Variants in MLXIPL observed in about 807,000 individuals in gnomAD.
MLXIPL encodes the protein MLX interacting protein like, also known as carbohydrate-responsive element-binding protein.
Under a neutral mutation model 81.5 loss-of-function variants are expected in MLXIPL, and 49 were observed. The ratio of observed to expected loss-of-function variants is 0.60; its 90% CI spans 0.48 to 0.76. The LOEUF is 0.76. Ranked by LOEUF, MLXIPL falls within the 30% of genes least tolerant of loss-of-function variation. MLXIPL has a pLI of 0.00. For missense variants in MLXIPL, 1,053 were observed against 1,167.0 expected, an observed-to-expected ratio of 0.90 and a Z score of 1.42; for synonymous variants, 466 against 485.5, an observed-to-expected ratio of 0.96 and a Z score of 0.53.
At chr7:73,597,112 A>G (rs1266188736) in intron 9 of MLXIPL, 70 bp downstream of exon 9, 17 of 1,508,276 alleles carry the variant, frequency 1.1e-5, no homozygotes, top group Non-Finnish European at 1.5e-5. Context: ...TTCTGCTCCC[A>G]AAACCCCCTG....
chr7:73,646,271 A>G, the MLXIPL span, among the ~76,000 whole-genome samples: 1 of 152,142 alleles, frequency 6.6e-6, no homozygotes, highest in African/African-American at 2.4e-5. Flanking sequence ...TGGCTGCAGG[A>G]GCCTCGGAGA....
the MLXIPL span, among the ~76,000 whole-genome samples, chr7:73,643,919 A>G: frequency 6.6e-6 from 1 of 151,946 alleles, no homozygotes; most frequent in Non-Finnish European, 1.5e-5. Context: ...GGTGTGCATC[A>G]CCACCCCTGG....
the MLXIPL span, among the ~76,000 whole-genome samples, chr7:73,637,419 G>A: frequency 3.3e-5 from 5 of 151,604 alleles, no homozygotes; most frequent in East Asian, 9.7e-4. Flanking sequence ...AGTTTGCAGT[G>A]AGCTGAGATC....
chr7:73,629,528 T>C (rs1421236679), upstream of MLXIPL, among the ~76,000 whole-genome samples: 1 of 151,950 alleles, frequency 6.6e-6, no homozygotes, highest in Non-Finnish European at 1.5e-5. Flanking sequence ...AGCCCAGGGG[T>C]TCGAGACAAG....
At chr7:73,614,726 C>T (rs981150700) in intron 2 of MLXIPL, among the ~76,000 whole-genome samples, 1 of 151,916 alleles carries the variant, frequency 6.6e-6, no homozygotes, top group Non-Finnish European at 1.5e-5. Flanking sequence ...TGGATACCAA[C>T]TTAGTGGCAA....
chr7:73,620,327 C>A (rs1189421400), intron 1 of MLXIPL, among the ~76,000 whole-genome samples: 5 of 151,774 alleles, frequency 3.3e-5, no homozygotes, highest in Non-Finnish European at 7.4e-5. Flanking sequence ...TCGCTTGAAC[C>A]CAGGAGGCGG....
At chr7:73,621,696 C>CTTT (rs1796365511) in intron 1 of MLXIPL, among the ~76,000 whole-genome samples, 3 of 138,014 alleles carry the variant, frequency 2.2e-5, no homozygotes, top group Admixed American at 7.3e-5. Context: ...TCCCTCCCTC[C>CTTT]ATCTCCCTCC....
At chr7:73,629,531 G>A (rs530434272), upstream of MLXIPL, among the ~76,000 whole-genome samples, 18 of 152,272 alleles carry the variant, frequency 1.2e-4, no homozygotes, top group Admixed American at 9.8e-4. Context: ...CCAGGGGTTC[G>A]AGACAAGCCT....
Position 73,595,879 on chromosome 7 carries a change from G to T in MLXIPL, c.2149C>A (p.Leu717Met). 6.2e-7 allele frequency: 1 copy of T among 1,612,020 alleles called. No individual in the cohort carries two copies. Residue 717 changes from leucine to methionine, a missense_variant, in exon 14 of 17, where the codon CTG becomes ATG. Leu to Met is a conservative substitution (Grantham distance 15). Transcript: ENST00000313375. ...TTGAGCTCCTCAATCTCATCCCGCA[G>T]CTGCTGGGCCTCCTCCTGCAAGCCC... is the stretch of plus-strand genomic sequence containing the variant. The part of the protein sequence containing the change: ...RAGLQEEAQQ[L>M]RDEIEELNAA...
chr7:73,606,356 T>C (rs1414766711), intron 5 of MLXIPL: 3 of 572,936 alleles, frequency 5.2e-6, no homozygotes, highest in Non-Finnish European at 9.3e-6. Context: ...GCTCTTTAGA[T>C]TTTTTCCTGT....
chr7:73,624,152 C>CCA, intron 1 of MLXIPL, 48 bp downstream of exon 1: 46 of 1,467,820 alleles, frequency 3.1e-5, no homozygotes, highest in South Asian at 3.9e-5. Flanking sequence ...ACCCCCCCCC[C>CCA]ATCCCCACCT....
intron 8 of MLXIPL, among the ~76,000 whole-genome samples, chr7:73,597,976 C>T (rs1292614409): frequency 1.3e-5 from 2 of 152,172 alleles, no homozygotes; most frequent in Non-Finnish European, 2.9e-5. Flanking sequence ...CCTGCCCGTC[C>T]ATTTGTCTCC....
At chr7:73,608,985 T>G (rs1795508848) in intron 2 of MLXIPL, among the ~76,000 whole-genome samples, 1 of 151,948 alleles carries the variant, frequency 6.6e-6, no homozygotes, top group Non-Finnish European at 1.5e-5. Flanking sequence ...ATTTTTAAAT[T>G]TTTTGTAGAG....
intron 15 of MLXIPL, 40 bp from the exon 16 acceptor site, chr7:73,594,443 C>G: frequency 6.3e-7 from 1 of 1,598,658 alleles, no homozygotes; most frequent in South Asian, 1.1e-5. Flanking sequence ...TCCAGCTGGT[C>G]CCCCCACACC....
intron 9 of MLXIPL, 108 bp downstream of exon 9, chr7:73,597,074 G>A: frequency 6.9e-7 from 1 of 1,451,102 alleles, no homozygotes; most frequent in Admixed American, 2.0e-5. Flanking sequence ...TCTGTCCCTT[G>A]AACTGGACCT....
the MLXIPL span, among the ~76,000 whole-genome samples, chr7:73,646,414 G>C: frequency 6.6e-6 from 1 of 152,176 alleles, no homozygotes; most frequent in Non-Finnish European, 1.5e-5. Context: ...ATATCGGCCA[G>C]AGGATTTCAA....
intron 2 of MLXIPL, among the ~76,000 whole-genome samples, chr7:73,612,776 G>A (rs1304858390): frequency 1.3e-5 from 2 of 152,074 alleles, no homozygotes; most frequent in East Asian, 3.9e-4. Context: ...CTTCCTGGGG[G>A]CTGGGGCAGG....
chr7:73,631,558 C>CTTTTTTTTTT, the MLXIPL span, among the ~76,000 whole-genome samples: 3 of 69,668 alleles, frequency 4.3e-5, no homozygotes, highest in Non-Finnish European at 5.8e-5. Context: ...GATGTTGCTA[C>CTTTTTTTTTT]TTTTTTTTTT....
At chr7:73,612,937 C>T (rs1358474574) in intron 2 of MLXIPL, among the ~76,000 whole-genome samples, 6 of 152,148 alleles carry the variant, frequency 3.9e-5, no homozygotes, top group South Asian at 2.1e-4. Flanking sequence ...ACAAACAACC[C>T]GAGACAATGC....
Sources: gnomAD v4.1 joint callset for allele counts (sites outside exome capture counted in the v4.1 genomes callset) on GRCh38, gnomAD v4.1.1 for gene constraint, MANE v1.5 for transcripts, NCBI Gene and HGNC (gene_info 2026-07-23, HGNC 2026-07-21) for gene names.